ALPL: variants seen among roughly 807,000 people sequenced by gnomAD.
ALPL encodes the protein alkaline phosphatase, tissue-nonspecific isozyme.
A neutral mutation model predicts 51.3 loss-of-function variants in ALPL; 42 were observed. The ratio of observed to expected loss-of-function variants is 0.82; its 90% CI spans 0.64 to 1.06. ALPL has a LOEUF of 1.06. Ranked by LOEUF, ALPL falls within the 50% of genes least tolerant of loss-of-function variation. The pLI is 0.00. For missense variants in ALPL, 589 were observed against 709.4 expected (o/e 0.83, Z 1.93); for synonymous variants, 279 against 296.4 (o/e 0.94, Z 0.60).
intron 1 of ALPL, among the ~76,000 whole-genome samples, chr1:21,514,195 G>T (rs923982281): frequency 2.0e-5 from 3 of 152,032 alleles, no homozygotes; most frequent in African/African-American, 7.3e-5. Flanking sequence ...CTGGAGGTTT[G>T]GGGGTGATAG....
intron 1 of ALPL, among the ~76,000 whole-genome samples, chr1:21,527,549 CTTTTTTT>C (rs560294555): frequency 7.2e-6 from 1 of 138,278 alleles, no homozygotes; most frequent in Non-Finnish European, 1.6e-5. Context: ...TAGCCTTTAA[CTTTTTTT>C]TTTTTTTTTT....
chr1:21,529,998 C>T (rs936116393), intron 1 of ALPL, among the ~76,000 whole-genome samples: 2 of 152,154 alleles, frequency 1.3e-5, no homozygotes, highest in African/African-American at 4.8e-5. Flanking sequence ...TGGTCTCAAA[C>T]TCTTGGGCTC....
intron 1 of ALPL, among the ~76,000 whole-genome samples, chr1:21,519,941 C>T (rs75059470): frequency 0.017 from 2,576 of 152,184 alleles, 36 homozygotes; most frequent in Non-Finnish European, 0.022. Context: ...CTAGGGGAAC[C>T]TGAGGTCAGT....
At chr1:21,565,481 G>T (rs1224742220) in intron 6 of ALPL, among the ~76,000 whole-genome samples, 1 of 152,132 alleles carries the variant, frequency 6.6e-6, no homozygotes, top group South Asian at 2.1e-4. Context: ...AACATTTGTT[G>T]TACAGGCACA....
At chr1:21,565,687 G>A (rs1228588796) in intron 6 of ALPL, among the ~76,000 whole-genome samples, 3 of 151,952 alleles carry the variant, frequency 2.0e-5, no homozygotes, top group Non-Finnish European at 4.4e-5. Context: ...ACCTGTGTGA[G>A]GATCCCTTTC....
chr1:21,553,785 G>C (rs958610722), intron 1 of ALPL, among the ~76,000 whole-genome samples, 193 bp from the exon 2 acceptor site: 1 of 152,230 alleles, frequency 6.6e-6, no homozygotes, highest in African/African-American at 2.4e-5. Context: ...CACTGACACA[G>C]CTGTTTGTGT....
intron 1 of ALPL, chr1:21,551,415 C>A (rs565901572): frequency 1.3e-5 from 2 of 152,062 alleles, no homozygotes; most frequent in African/African-American, 2.4e-5. Context: ...CATCCTGGAG[C>A]CTTCCTGAAA....
At chr1:21,554,800 TCTGTCTG>T (rs1558543712) in intron 2 of ALPL, among the ~76,000 whole-genome samples, 286 of 36,970 alleles carry the variant, frequency 7.7e-3, no homozygotes, top group South Asian at 0.023. Flanking sequence ...TGTCTGTCTG[TCTGTCTG>T]TCTGTCTGTC....
intron 9 of ALPL, 122 bp downstream of exon 9, chr1:21,573,921 G>A (rs1644689739): frequency 6.5e-7 from 1 of 1,530,788 alleles, no homozygotes; most frequent in Non-Finnish European, 8.8e-7. Flanking sequence ...GTCCCTTTAG[G>A]AGAATAGGTT....
chr1:21,564,324 C>A lies in ALPL; in HGVS notation c.648+108C>A. 7.1e-7 allele frequency: 1 copy of A among 1,408,830 alleles called. No individual in the cohort carries two copies. The highest frequency in any genetic ancestry group is 9.7e-7 in the Non-Finnish European group (1 of 1,025,860). 87.3% of individuals were successfully genotyped at this position (1,408,830 alleles called of 1,614,324 possible). ...GGAGAAAGCAGCCTGGCCTGGCTCC[C>A]CACACACCTGGGAGGCTCCCAGCCC... On this transcript the variant is annotated intron_variant, in intron 6 of 11. Transcript: ENST00000374840. This position sits in a 1 kb window ranked among gnomAD's most constrained non-coding sequence, Gnocchi z 5.8.
chr1:21,526,533 A>G (rs888088050), intron 1 of ALPL, among the ~76,000 whole-genome samples: 4 of 152,162 alleles, frequency 2.6e-5, no homozygotes, highest in African/African-American at 4.8e-5. Flanking sequence ...TTAAGTTTCT[A>G]CTATGACTTT....
chr1:21,509,305 C>T (rs1182211375), upstream of ALPL: 1 of 27,320 alleles, frequency 3.7e-5, no homozygotes, highest in African/African-American at 1.5e-4. The surrounding 1 kb of genome is among the most constrained non-coding windows in gnomAD (Gnocchi z 6.0). Flanking sequence ...GGGCCGGGGG[C>T]GGGGCCGGGG....
chr1:21,528,306 C>T (rs1246927210), intron 1 of ALPL, among the ~76,000 whole-genome samples: 1 of 149,648 alleles, frequency 6.7e-6, no homozygotes, highest in Non-Finnish European at 1.5e-5. Flanking sequence ...CAGGAGTGAC[C>T]TATTCAGGCA....
intron 1 of ALPL, among the ~76,000 whole-genome samples, chr1:21,520,506 C>A (rs1283001433): frequency 7.8e-6 from 1 of 128,786 alleles, no homozygotes; most frequent in South Asian, 2.4e-4. Flanking sequence ...CTCGCCCTGT[C>A]GCCCAGGATG....
At chr1:21,567,024 G>A (rs2148168628) in intron 6 of ALPL, among the ~76,000 whole-genome samples, 1 of 152,214 alleles carries the variant, frequency 6.6e-6, no homozygotes, top group South Asian at 2.1e-4. Flanking sequence ...ACCATGGCCT[G>A]GACCCAGGCT....
chr1:21,550,210 T>C (rs902996149), intron 1 of ALPL, among the ~76,000 whole-genome samples: 5 of 152,164 alleles, frequency 3.3e-5, no homozygotes, highest in Non-Finnish European at 7.3e-5. Context: ...AATCTATCCA[T>C]GTGTCAAACG....
At chr1:21,554,397 AATAT>A (rs935728754) in intron 2 of ALPL, among the ~76,000 whole-genome samples, 2 of 147,422 alleles carry the variant, frequency 1.4e-5, no homozygotes, top group South Asian at 4.2e-4. Context: ...TATACAAGGA[AATAT>A]ATATTTTCCA....
chr1:21,576,572 C>A lies in ALPL; in HGVS notation c.1240C>A (p.Leu414Met), dbSNP rs2148192444. The A allele has an allele frequency of 6.2e-7, 1 of 1,613,982 alleles. No homozygotes were observed. The highest frequency in any genetic ancestry group is 8.5e-7 in the Non-Finnish European group (1 of 1,179,952). Residue 414 changes from leucine (L) to methionine (M), a missense_variant, in exon 11 of 12, where the codon CTG becomes ATG. Coordinates refer to ENST00000374840, the MANE Select transcript of ALPL (RefSeq NM_000478.6). ...DTDKKPFTAI[L>M]YGNGPGYKVV... ...AGACAAGAAGCCCTTCACTGCCATCCTGTATGGCAATGGGCCTGGCTACAA... is the reference window on the plus strand; with the variant it reads ...AGACAAGAAGCCCTTCACTGCCATCATGTATGGCAATGGGCCTGGCTACAA...
chr1:21,563,033 TG>T, intron 4 of ALPL, 76 bp from the exon 5 acceptor site: 1 of 1,568,924 alleles, frequency 6.4e-7, no homozygotes, highest in Non-Finnish European at 8.8e-7. Flanking sequence ...CCAGTCCCCA[TG>T]GTGTGAGTGT....
Sources: allele counts gnomAD v4.1 joint callset (sites outside exome capture counted in the v4.1 genomes callset), GRCh38; gene constraint gnomAD v4.1.1; non-coding constraint Gnocchi (gnomAD v3.1); transcripts MANE v1.5; gene names NCBI Gene and HGNC (gene_info 2026-07-23, HGNC 2026-07-21).